Variants in PLA2G5 observed in about 807,000 individuals in gnomAD.
PLA2G5 encodes the protein phospholipase A2 group V.
Under a neutral mutation model 15.9 loss-of-function variants are expected in PLA2G5, and 12 were observed. The ratio of observed to expected loss-of-function variants is 0.76; its 90% confidence interval spans 0.48 to 1.23. The LOEUF (loss-of-function observed/expected upper bound fraction) is 1.23, where lower values mean the gene tolerates loss of function less well. Among genes scored for constraint, PLA2G5 ranks in the 50% most tolerant of loss-of-function variants. The probability of loss-of-function intolerance (pLI) is 0.00; values close to 1 mark genes in which losing one functional copy is unlikely to be tolerated. For missense variants in PLA2G5, 169 were observed against 177.1 expected (o/e 0.95, Z 0.26); for synonymous variants, 71 against 71.4 (o/e 0.99, Z 0.03).
At chr1:20,082,029 T>C (rs2872908) in intron 1 of PLA2G5, among the ~76,000 whole-genome samples, 126,446 of 151,524 alleles carry the variant, frequency 0.83, 53,031 homozygotes, top group East Asian at 0.92. Flanking sequence ...TCCAGCCTGG[T>C]GACAGAGTGA....
chr1:20,034,442 G>A (rs1290277771), intron 1 of PLA2G5, among the ~76,000 whole-genome samples: 1 of 152,196 alleles, frequency 6.6e-6, no homozygotes, highest in African/African-American at 2.4e-5. Context: ...GAGTATGTGG[G>A]TTGGGGACCA....
At chr1:20,043,995 G>T (rs35786191) in intron 1 of PLA2G5, among the ~76,000 whole-genome samples, 9,004 of 152,304 alleles carry the variant, frequency 0.059, 479 homozygotes, top group East Asian at 0.25. Flanking sequence ...GTCAGTCAGA[G>T]AACTTTGGGC....
chr1:20,079,263 T>G (rs1258025078), intron 1 of PLA2G5, among the ~76,000 whole-genome samples: 1 of 152,180 alleles, frequency 6.6e-6, no homozygotes, highest in Non-Finnish European at 1.5e-5. Context: ...GAGCTGTCAT[T>G]GATTTATTAG....
intron 3 of PLA2G5, among the ~76,000 whole-genome samples, chr1:20,089,329 T>G (rs893618484): frequency 6.6e-6 from 1 of 152,270 alleles, no homozygotes; most frequent in East Asian, 1.9e-4. Flanking sequence ...ACATAACAGT[T>G]CAGTAGGAAT....
chr1:20,030,578 T>C (rs2012866485), intron 1 of PLA2G5, among the ~76,000 whole-genome samples: 1 of 151,980 alleles, frequency 6.6e-6, no homozygotes, highest in African/African-American at 2.4e-5. Flanking sequence ...TCACTAATCC[T>C]CCTCAGCACA....
chr1:20,085,991 G>A, intron 2 of PLA2G5, 92 bp from the exon 3 acceptor site: 1 of 1,350,006 alleles, frequency 7.4e-7, no homozygotes, highest in South Asian at 1.3e-5. Flanking sequence ...TCCAAGCCCT[G>A]GGTGGGAGAA....
upstream of PLA2G5, among the ~76,000 whole-genome samples, chr1:20,067,666 C>T (rs1026787203): frequency 8.7e-5 from 13 of 150,282 alleles, no homozygotes; most frequent in Non-Finnish European, 1.3e-4. Flanking sequence ...CCAGCCTGGG[C>T]GACAGAGTGA....
chr1:20,070,187 C>G (rs1051967552), upstream of PLA2G5: 1 of 985,268 alleles, frequency 1.0e-6, no homozygotes, highest in Admixed American at 6.1e-5. Context: ...CCTGCCTCTG[C>G]AAAGGCAGTC....
intron 1 of PLA2G5, among the ~76,000 whole-genome samples, chr1:20,075,285 T>A (rs2015606302): frequency 6.6e-6 from 1 of 152,214 alleles, no homozygotes; most frequent in Non-Finnish European, 1.5e-5. Flanking sequence ...CAAGGGCCTT[T>A]GTGACCTACC....
intron 1 of PLA2G5, among the ~76,000 whole-genome samples, chr1:20,074,110 CGA>C (rs2015536756): frequency 6.6e-6 from 1 of 152,058 alleles, no homozygotes. Flanking sequence ...GCATTTAAGG[CGA>C]GACCTGGAGG....
At chr1:20,072,630 G>T (rs1476213201) in intron 1 of PLA2G5, among the ~76,000 whole-genome samples, 1 of 152,190 alleles carries the variant, frequency 6.6e-6, no homozygotes, top group South Asian at 2.1e-4. Context: ...CAAGCTGTGC[G>T]AGGCCATGTC....
chr1:20,085,959 A>C (rs1436726048), intron 2 of PLA2G5, 124 bp from the exon 3 acceptor site: 1 of 899,840 alleles, frequency 1.1e-6, no homozygotes, highest in African/African-American at 1.7e-5. Context: ...TGGAGAGAAT[A>C]AAAAAGAGAC....
upstream of PLA2G5, among the ~76,000 whole-genome samples, chr1:20,069,663 A>AAAAGAAAGAAAGAAAG (rs57068796): frequency 7.4e-4 from 106 of 142,600 alleles, no homozygotes; most frequent in African/African-American, 2.3e-3. Flanking sequence ...CTCAGCTCAG[A>AAAAGAAAGAAAGAAAG]AAAGAAAGAA....
In PLA2G5 at chr1:20,072,479, CA is replaced by C. The variant is rs1463668598; in HGVS notation, c.-11+2015del. On this transcript the variant is annotated intron_variant, in intron 1 of 4. Coordinates refer to ENST00000375108, the MANE Select transcript of PLA2G5 (RefSeq NM_000929.3). Reference sequence around the variant, plus strand: ...GAGGGAATAACAGATGAAAAGGGAACAGGGGGAGGGAGAGAGAGACAGAGAA... The same window carrying C: ...GAGGGAATAACAGATGAAAAGGGAACGGGGGAGGGAGAGAGAGACAGAGAA... 4.6e-5 allele frequency among the ~76,000 whole-genome samples: 7 copies of C among 152,052 alleles called. No individual in the cohort carries two copies. The East Asian group carries it at 5.8e-4, about 13-fold the overall frequency.
At chr1:20,030,098 T>G (rs529282706) in intron 1 of PLA2G5, among the ~76,000 whole-genome samples, 73 of 152,154 alleles carry the variant, frequency 4.8e-4, no homozygotes, top group African/African-American at 1.7e-3. Context: ...AGAAAAGAAA[T>G]AAGACACAGA....
chr1:20,065,400 A>G (rs1387916429), upstream of PLA2G5, among the ~76,000 whole-genome samples: 1 of 152,180 alleles, frequency 6.6e-6, no homozygotes, highest in Non-Finnish European at 1.5e-5. Flanking sequence ...CTGCCCTGAA[A>G]ATTCTCTGTG....
intron 2 of PLA2G5, among the ~76,000 whole-genome samples, chr1:20,061,938 G>A (rs1028086368): frequency 1.3e-5 from 2 of 152,228 alleles, no homozygotes; most frequent in Non-Finnish European, 2.9e-5. Flanking sequence ...TGGAGGTGGA[G>A]CCTGGTGGGA....
At chr1:20,067,997 T>C (rs1275039384), upstream of PLA2G5, among the ~76,000 whole-genome samples, 2 of 152,052 alleles carry the variant, frequency 1.3e-5, no homozygotes, top group African/African-American at 4.8e-5. Flanking sequence ...CAGGCCCCCG[T>C]AATCCCAGCT....
At chr1:20,082,462 CAT>C (rs1227136649) in intron 1 of PLA2G5, among the ~76,000 whole-genome samples, 1 of 151,944 alleles carries the variant, frequency 6.6e-6, no homozygotes, top group Non-Finnish European at 1.5e-5. Flanking sequence ...TCTTCATGCA[CAT>C]GTGTGAGCCC....
Sources: gnomAD v4.1 joint callset for allele counts (sites outside exome capture counted in the v4.1 genomes callset) on GRCh38, gnomAD v4.1.1 for gene constraint, MANE v1.5 for transcripts, NCBI Gene and HGNC (gene_info 2026-07-23, HGNC 2026-07-21) for gene names.